TMEM163: variants seen among roughly 807,000 people sequenced by gnomAD.
TMEM163 encodes the protein transmembrane protein 163.
A neutral mutation model predicts 29.3 loss-of-function variants in TMEM163; 17 were observed. That is an observed-to-expected ratio of 0.58 (90% confidence interval 0.40 to 0.87). TMEM163 has a LOEUF of 0.87. TMEM163 is among the 40% of genes least tolerant of loss of function. The pLI is 0.00. For missense variants in TMEM163, 303 were observed against 381.5 expected, an observed-to-expected ratio of 0.79 and a Z score of 1.71; for synonymous variants, 157 against 160.6, an observed-to-expected ratio of 0.98 and a Z score of 0.17.
At chr2:134,488,875 A>G (rs1017190145) in intron 5 of TMEM163, among the ~76,000 whole-genome samples, 1 of 152,228 alleles carries the variant, frequency 6.6e-6, no homozygotes, top group Non-Finnish European at 1.5e-5. Context: ...ATAAAAATAT[A>G]ATCAACTTCA....
At position 134,710,252 on chromosome 2, in the gene TMEM163, T is replaced by C. The variant is rs184702364; in HGVS notation, c.322+2948A>G. On this transcript the variant is annotated intron_variant, in intron 2 of 7. Coordinates refer to ENST00000281924, the MANE Select transcript of TMEM163 (RefSeq NM_030923.5). ...AGACCTGTCTCAGAGACTTTTGGGT[T>C]CACAACCTACAATGTACATGTCAGG... Among the ~76,000 whole-genome samples, 4 of 152,330 alleles carry C rather than the reference T, an allele frequency of 2.6e-5. No individual in the cohort carries two copies. The East Asian group carries it at 7.7e-4, about 29-fold the overall frequency.
At chr2:134,596,081 T>C (rs942920983) in intron 2 of TMEM163, among the ~76,000 whole-genome samples, 7 of 152,228 alleles carry the variant, frequency 4.6e-5, no homozygotes, top group African/African-American at 1.7e-4. Context: ...ACTCTGATGG[T>C]AGTTTCTTTT....
rs183044418 is a variant in TMEM163, at chr2:134,469,503, T to C, written c.556-3278A>G. On this transcript the variant is annotated intron_variant, in intron 5 of 7. Coordinates refer to ENST00000281924, the MANE Select transcript of TMEM163 (RefSeq NM_030923.5). The stretch of plus-strand genomic sequence containing the variant: ...ATATACTGCGTGCACAGAGCTCAAC[T>C]GGAACTACGTTGCCCAGAATTTCCT... The C allele has an allele frequency of 1.8e-3, 269 of 152,366 alleles. 2 individuals are homozygous for C. The highest frequency in any genetic ancestry group is 6.1e-3 in the African/African-American group (255 of 41,582). The allele number at this position is 152,366 out of a possible 1,614,324, so 9.4% of individuals were successfully genotyped here.
chr2:134,523,241 C>T lies in TMEM163; in HGVS notation c.459-20244G>A, dbSNP rs138610637. Reference sequence around the variant, plus strand: ...ATTTAATAGCCTGGGAGTGGGTCTGCAGGTGGGGGTCGGAGCGTCTGTGTG... The same window carrying T: ...ATTTAATAGCCTGGGAGTGGGTCTGTAGGTGGGGGTCGGAGCGTCTGTGTG... On this transcript the variant is annotated intron_variant, in intron 4 of 7. Coordinates refer to ENST00000281924, the MANE Select transcript of TMEM163 (RefSeq NM_030923.5). Among the ~76,000 whole-genome samples, 902 of 152,216 alleles carry T rather than the reference C, an allele frequency of 5.9e-3. 6 individuals are homozygous for T. The highest frequency in any genetic ancestry group is 0.015 in the South Asian group (73 of 4,816).
intron 2 of TMEM163, among the ~76,000 whole-genome samples, chr2:134,601,871 G>A (rs1375939954): frequency 2.0e-5 from 3 of 152,180 alleles, no homozygotes; most frequent in Non-Finnish European, 2.9e-5. Context: ...GTATTAAACA[G>A]AGTAGACAAA....
chr2:134,505,228 C>T (rs888403679), intron 4 of TMEM163, among the ~76,000 whole-genome samples: 3 of 143,536 alleles, frequency 2.1e-5, no homozygotes, highest in Non-Finnish European at 4.5e-5. Flanking sequence ...TTGTACTCAC[C>T]TGGGGAATTC....
intron 2 of TMEM163, among the ~76,000 whole-genome samples, chr2:134,676,102 A>G (rs967243800): frequency 6.6e-6 from 1 of 152,192 alleles, no homozygotes; most frequent in Non-Finnish European, 1.5e-5. Flanking sequence ...ATGATGGTCA[A>G]TGTTTCACTG....
intron 4 of TMEM163, among the ~76,000 whole-genome samples, chr2:134,522,791 C>T (rs547820137): frequency 6.6e-6 from 1 of 152,300 alleles, no homozygotes; most frequent in Non-Finnish European, 1.5e-5. Context: ...TACAAGTACC[C>T]CATTTTTCTC....
intron 2 of TMEM163, among the ~76,000 whole-genome samples, chr2:134,595,095 T>A (rs1347993244): frequency 6.6e-6 from 1 of 151,622 alleles, no homozygotes; most frequent in Admixed American, 6.6e-5. Flanking sequence ...ATTTTTATTT[T>A]TATTTATTTT....
chr2:134,550,811 T>A lies in TMEM163; in HGVS notation c.367-150A>T. ...CCATCATTACGACGCAGCCACTTAC[T>A]GCCCTCATGCCTGGGGCGTCTGGAG... On this transcript the variant is annotated intron_variant, in intron 3 of 7. Transcript: ENST00000281924. 6 of 726,888 alleles carry A rather than the reference T, an allele frequency of 8.3e-6. No homozygotes were observed. The Admixed American group carries it at 1.3e-4, about 16-fold the overall frequency. The allele number at this position is 726,888 out of a possible 1,614,324, so 45.0% of individuals were successfully genotyped here. A position where few individuals can be genotyped will look rare whatever the true frequency, so the allele number is the denominator to read the frequency against.
chr2:134,686,327 C>T lies in TMEM163; in HGVS notation c.322+26873G>A, dbSNP rs183230078. Reference sequence around the variant, plus strand: ...GAGAGGAGGCCATGAATATGGGTTGCGAAGCCTGCCCCCGGGCTCAACCAT... The same window carrying T: ...GAGAGGAGGCCATGAATATGGGTTGTGAAGCCTGCCCCCGGGCTCAACCAT... On this transcript the variant is annotated intron_variant, in intron 2 of 7. Coordinates refer to ENST00000281924, the MANE Select transcript of TMEM163 (RefSeq NM_030923.5). Among the ~76,000 whole-genome samples, 31 of 152,282 alleles carry T rather than the reference C, an allele frequency of 2.0e-4. No homozygotes were observed. The East Asian group carries it at 6.0e-3, about 29-fold the overall frequency.
intron 2 of TMEM163, among the ~76,000 whole-genome samples, chr2:134,649,168 A>G (rs1683408500): frequency 6.6e-6 from 1 of 152,252 alleles, no homozygotes; most frequent in South Asian, 2.1e-4. Flanking sequence ...ACAACAAAGT[A>G]TACGTATAAT....
At chr2:134,492,092 G>A (rs1402412288) in intron 5 of TMEM163, among the ~76,000 whole-genome samples, 1 of 152,204 alleles carries the variant, frequency 6.6e-6, no homozygotes, top group Admixed American at 6.5e-5. Context: ...TGCCTCTGGT[G>A]ACAGCTGTTA....
At chr2:134,462,342 C>T (rs1360583709) in intron 6 of TMEM163, among the ~76,000 whole-genome samples, 1 of 152,138 alleles carries the variant, frequency 6.6e-6, no homozygotes, top group Non-Finnish European at 1.5e-5. Context: ...CACCAATGAC[C>T]AGAGGGCTCT....
chr2:134,501,197 G>A (rs777430105), intron 5 of TMEM163, among the ~76,000 whole-genome samples: 4 of 152,200 alleles, frequency 2.6e-5, no homozygotes, highest in South Asian at 4.1e-4. Context: ...CAGATGGTAT[G>A]GGTTCTGTAA....
At chr2:134,610,076 A>T (rs188361684) in intron 2 of TMEM163, among the ~76,000 whole-genome samples, 1 of 152,340 alleles carries the variant, frequency 6.6e-6, no homozygotes, top group East Asian at 1.9e-4. Flanking sequence ...GGGAGAGAGT[A>T]AACAGGCCAC....
At position 134,718,938 on chromosome 2, in the gene TMEM163, C is replaced by G; in HGVS notation, c.-3G>C. The stretch of plus-strand genomic sequence containing the variant: ...TGGATGCCCGCGGCCGGCTCCATGG[C>G]GCGGGGCTGCGGATCCCGGCGGCGG... On this transcript the variant is annotated 5_prime_UTR_variant, in exon 1 of 8. Transcript: ENST00000281924. 9.6e-7 allele frequency: 1 copy of G among 1,043,076 alleles called. No homozygotes were observed. Among genetic ancestry groups the G allele is most frequent in the Non-Finnish European group, 1.2e-6 (1 of 869,378 alleles). 64.6% of individuals were successfully genotyped at this position (1,043,076 alleles called of 1,614,324 possible). A position where few individuals can be genotyped will look rare whatever the true frequency, so the allele number is the denominator to read the frequency against.
chr2:134,498,335 T>C (rs922676586), intron 5 of TMEM163, among the ~76,000 whole-genome samples: 1 of 149,916 alleles, frequency 6.7e-6, no homozygotes. Flanking sequence ...CACCGATGCT[T>C]GGTGCACTTG....
rs140530416 is a variant in TMEM163, at chr2:134,458,299, G to A, written c.668-126C>T. The stretch of plus-strand genomic sequence containing the variant: ...GAGGAATGATGCCCAAAGCTCTCAC[G>A]AGTGATAGCCACCACCTGGGCCCAT... On this transcript the variant is annotated intron_variant, in intron 6 of 7. Coordinates refer to ENST00000281924, the MANE Select transcript of TMEM163 (RefSeq NM_030923.5). 1,585 of 1,145,540 alleles carry A rather than the reference G, an allele frequency of 1.4e-3. 5 individuals are homozygous for A. The highest frequency in any genetic ancestry group is 5.1e-3 in the South Asian group (344 of 67,738). 71.0% of individuals were successfully genotyped at this position (1,145,540 alleles called of 1,614,324 possible). A position where few individuals can be genotyped will look rare whatever the true frequency, so the allele number is the denominator to read the frequency against.
Sources: gnomAD v4.1 joint callset for allele counts (sites outside exome capture counted in the v4.1 genomes callset) on GRCh38, gnomAD v4.1.1 for gene constraint, MANE v1.5 for transcripts, NCBI Gene and HGNC (gene_info 2026-07-23, HGNC 2026-07-21) for gene names.